The following CEP78 variants were observed in gnomAD, a reference collection of about 807,000 sequenced individuals.
CEP78 encodes centrosomal protein 78.
Under a neutral mutation model 81.2 loss-of-function variants are expected in CEP78, and 76 were observed. The observed-to-expected ratio is 0.94, with a 90% CI of 0.78 to 1.13. CEP78 has a LOEUF of 1.13. Ranked by LOEUF, CEP78 falls within the 50% of genes most tolerant of loss-of-function variation. The pLI is 0.00. For synonymous variants in CEP78, 293 were observed against 301.4 expected (o/e 0.97, Z 0.29); for missense variants, 918 against 846.8 (o/e 1.08, Z -1.04).
rs1354464625 is a variant in CEP78, at chr9:78,272,454, C to CT, written c.*1604dup. On this transcript the variant is annotated 3_prime_UTR_variant, in exon 17 of 17. Transcript: ENST00000643273. Reference sequence around the variant, plus strand: ...AGAGGTGCCTGTAGTCAGAAAAAGTCTAAATAAATACTAATGACATATGAA... The same window carrying CT: ...AGAGGTGCCTGTAGTCAGAAAAAGTCTTAAATAAATACTAATGACATATGAA... 6.6e-6 allele frequency: 1 copy of CT among 152,124 alleles called. No individual in the cohort carries two copies. Among genetic ancestry groups the CT allele is most frequent in the African/African-American group, 2.4e-5 (1 of 41,406 alleles). 9.4% of individuals were successfully genotyped at this position (152,124 alleles called of 1,614,324 possible).
intron 16 of CEP78, among the ~76,000 whole-genome samples, chr9:78,268,683 T>TC (rs1827623384): frequency 1.4e-5 from 2 of 147,370 alleles, no homozygotes; most frequent in African/African-American, 5.0e-5. Context: ...TTCTTTTCTT[T>TC]TTTTTTTTTT....
In CEP78 at chr9:78,265,357, T is replaced by C; in HGVS notation, c.1626-15T>C. On this transcript the variant is annotated splice_polypyrimidine_tract_variant and intron_variant, in intron 13 of 16. Coordinates refer to ENST00000643273, the MANE Select transcript of CEP78 (RefSeq NM_001330691.3). ...AGTAATCCTTGCCTTTTCCTCCTTT[T>C]CTTCTCTCGACCAGGCTTGGGCAGC... 1 of 1,565,320 alleles carries C rather than the reference T, an allele frequency of 6.4e-7. No homozygotes were observed. The highest frequency in any genetic ancestry group is 8.6e-7 in the Non-Finnish European group (1 of 1,160,770).
At chr9:78,253,362 G>C (rs1248074495) in intron 10 of CEP78, 85 bp downstream of exon 10, 2 of 741,812 alleles carry the variant, frequency 2.7e-6, no homozygotes, top group African/African-American at 3.5e-5. Flanking sequence ...AAATTGAATA[G>C]AGTCGTAAGA....
rs1410154755 is a variant in CEP78 at position 78,253,216 on chromosome 9, A to G, written c.1206-16A>G. 4.4e-6 allele frequency: 5 copies of G among 1,138,656 alleles called. No homozygotes were observed. The highest frequency in any genetic ancestry group is 6.5e-6 in the Non-Finnish European group (5 of 765,636). The allele number at this position is 1,138,656 out of a possible 1,614,324, so 70.5% of individuals were successfully genotyped here. A position where few individuals can be genotyped will look rare whatever the true frequency, so the allele number is the denominator to read the frequency against. On this transcript the variant is annotated splice_polypyrimidine_tract_variant and intron_variant, in intron 9 of 16. Coordinates refer to ENST00000643273, the MANE Select transcript of CEP78 (RefSeq NM_001330691.3). ...TTTACATCAAAATATAACTTAATTTATCGATATCTTTTTAGGGGTTTCCCA... is the reference window on the plus strand; with the variant it reads ...TTTACATCAAAATATAACTTAATTTGTCGATATCTTTTTAGGGGTTTCCCA...
intron 16 of CEP78, among the ~76,000 whole-genome samples, chr9:78,268,199 A>C (rs1279656426): frequency 1.3e-5 from 2 of 152,222 alleles, no homozygotes; most frequent in Non-Finnish European, 2.9e-5. Flanking sequence ...AAGTCTTAAA[A>C]GTAATGAGTT....
chr9:78,261,157 G>A (rs117185052), intron 11 of CEP78, among the ~76,000 whole-genome samples: 6,730 of 152,066 alleles, frequency 0.044, 256 homozygotes, highest in Admixed American at 0.14. Flanking sequence ...CACCATGTTG[G>A]CCTCAATTTC....
chr9:78,239,381 A>G (rs1189029409), intron 1 of CEP78, among the ~76,000 whole-genome samples: 1 of 152,192 alleles, frequency 6.6e-6, no homozygotes, highest in Non-Finnish European at 1.5e-5. Context: ...ACCAGTGTGT[A>G]TTGGTTGCTT....
intron 11 of CEP78, 125 bp downstream of exon 11, chr9:78,255,089 CAT>C: frequency 3.1e-6 from 2 of 651,640 alleles, no homozygotes; most frequent in South Asian, 2.0e-5. Context: ...CCTTCTATCT[CAT>C]ATCCCTTGAA....
chr9:78,257,639 C>T (rs184753011), intron 11 of CEP78, among the ~76,000 whole-genome samples: 63 of 152,116 alleles, frequency 4.1e-4, no homozygotes, highest in Non-Finnish European at 7.4e-4. Context: ...AGGAGGGAAT[C>T]AAACTCCAGA....
intron 3 of CEP78, 35 bp from the exon 4 acceptor site, chr9:78,241,661 C>T (rs751079527): frequency 4.0e-6 from 4 of 999,708 alleles, no homozygotes; most frequent in Non-Finnish European, 6.2e-6. Context: ...ATATGCTCTT[C>T]ATCTTATTGT....
chr9:78,263,025 T>G (rs2118448221), intron 12 of CEP78, 41 bp downstream of exon 12: 1 of 1,324,992 alleles, frequency 7.5e-7, no homozygotes, highest in East Asian at 2.5e-5. Context: ...TTTTTTGTTT[T>G]GGTTTTGGTT....
rs138629300 is a variant in CEP78, at chr9:78,261,612, A to G, written c.1381-1295A>G. 1.1e-3 allele frequency among the ~76,000 whole-genome samples: 169 copies of G among 152,304 alleles called. 1 individual carries two copies. Among genetic ancestry groups the G allele is most frequent in the Middle Eastern group, 3.4e-3 (1 of 294 alleles). On this transcript the variant is annotated intron_variant, in intron 11 of 16. Transcript: ENST00000643273. Reference sequence around the variant, plus strand: ...ACATTATGTTCTCACTTCCTCCACTAGAGGGAGAAACAATTTCATGTAATT... The same window carrying G: ...ACATTATGTTCTCACTTCCTCCACTGGAGGGAGAAACAATTTCATGTAATT...
At chr9:78,237,857 A>C (rs140167673) in intron 1 of CEP78, among the ~76,000 whole-genome samples, 13 of 150,978 alleles carry the variant, frequency 8.6e-5, no homozygotes, top group African/African-American at 2.9e-4. Context: ...TAATCCCAGC[A>C]CTTTGGGAGG....
intron 3 of CEP78, among the ~76,000 whole-genome samples, chr9:78,241,383 T>A (rs1223565965): frequency 6.6e-6 from 1 of 152,186 alleles, no homozygotes; most frequent in Non-Finnish European, 1.5e-5. Flanking sequence ...AGAGTTTTAT[T>A]TTTTTTATGT....
rs770486787 is a variant in CEP78 at position 78,236,578 on chromosome 9, C to T, written c.228C>T (p.Phe76=). 1.9e-6 allele frequency: 3 copies of T among 1,557,628 alleles called. No homozygotes were observed. Among genetic ancestry groups the T allele is most frequent in the Middle Eastern group, 3.4e-4 (2 of 5,804 alleles). ...TGCCCTTGGTCTCCATCAAGAGCTT[C>T]TTCCAGCCCTGGCTGGGGGACACAG... The part of the protein sequence containing the change: ...KDLPLVSIKS[F]FQPWLGDTGS... Residue 76 remains phenylalanine, a synonymous_variant, in exon 1 of 17, where the codon TTC becomes TTT. Coordinates refer to ENST00000643273, the MANE Select transcript of CEP78 (RefSeq NM_001330691.3).
Position 78,278,999 on chromosome 9 carries a change from C to T in CEP78, c.*8148C>T, listed in dbSNP as rs1045524169. ...AAAGGCACATAGTGAGTGATAGGGG[C>T]TGAAAGGGCTCAGAGAATGCCCGAG... On this transcript the variant is annotated 3_prime_UTR_variant, in exon 17 of 17. Coordinates refer to ENST00000643273, the MANE Select transcript of CEP78 (RefSeq NM_001330691.3). The T allele has an allele frequency of 3.1e-4, 45 of 147,218 alleles. No homozygotes were observed. The highest frequency in any genetic ancestry group is 1.1e-3 in the African/African-American group (44 of 39,092). 9.1% of individuals were successfully genotyped at this position (147,218 alleles called of 1,614,324 possible). A position where few individuals can be genotyped will look rare whatever the true frequency, so the allele number is the denominator to read the frequency against.
chr9:78,241,808 A>G lies in CEP78; in HGVS notation c.603+9A>G, dbSNP rs1366996710. 1 of 1,419,654 alleles carries G rather than the reference A, an allele frequency of 7.0e-7. No homozygotes were observed. The highest frequency in any genetic ancestry group is 2.3e-5 in the East Asian group (1 of 43,874). 87.9% of individuals were successfully genotyped at this position (1,419,654 alleles called of 1,614,324 possible). A position where few individuals can be genotyped will look rare whatever the true frequency, so the allele number is the denominator to read the frequency against. On this transcript the variant is annotated intron_variant, in intron 4 of 16. Coordinates refer to ENST00000643273, the MANE Select transcript of CEP78 (RefSeq NM_001330691.3). ...TGGCCAAGATCTTAAAGGTAACTTT[A>G]TGTTCCAACTTTCATGAAAATGTGT...
intron 8 of CEP78, among the ~76,000 whole-genome samples, chr9:78,250,670 C>T (rs1390268792): frequency 2.0e-5 from 3 of 151,984 alleles, no homozygotes; most frequent in Admixed American, 6.6e-5. Context: ...ACCTGGGAGG[C>T]GGAGGTTGCA....
rs545320355 is a variant in CEP78, at chr9:78,277,973, C to A, written c.*7122C>A. On this transcript the variant is annotated 3_prime_UTR_variant, in exon 17 of 17. Coordinates refer to ENST00000643273, the MANE Select transcript of CEP78 (RefSeq NM_001330691.3). ...AGAAGTTGCACAGTAACCACGCACT[C>A]CTGTTTACATTTGTATAGTTAAAAC... The A allele has an allele frequency of 6.6e-6, 1 of 152,252 alleles. No homozygotes were observed. Among genetic ancestry groups the A allele is most frequent in the South Asian group, 2.1e-4 (1 of 4,824 alleles). 9.4% of individuals were successfully genotyped at this position (152,252 alleles called of 1,614,324 possible).
Sources: allele counts gnomAD v4.1 joint callset (sites outside exome capture counted in the v4.1 genomes callset), GRCh38; gene constraint gnomAD v4.1.1; transcripts MANE v1.5; gene names NCBI Gene and HGNC (gene_info 2026-07-23, HGNC 2026-07-21).